Variants in ST6GALNAC5 observed in about 807,000 individuals in gnomAD.
The protein encoded by ST6GALNAC5 is alpha-N-acetylgalactosaminide alpha-2,6-sialyltransferase 5.
In ST6GALNAC5, 27 loss-of-function variants were observed where a neutral mutation model predicts 33.6. That is an observed-to-expected ratio of 0.80 (90% confidence interval 0.59 to 1.11). The LOEUF is 1.11. Among genes scored for constraint, ST6GALNAC5 ranks in the 50% least tolerant of loss-of-function variants. The pLI is 0.00. For synonymous variants in ST6GALNAC5, 194 were observed against 171.2 expected, an observed-to-expected ratio of 1.13 and a Z score of -1.04; for missense variants, 428 against 454.0, an observed-to-expected ratio of 0.94 and a Z score of 0.52.
At chr1:77,044,762 G>T in intron 3 of ST6GALNAC5, 149 bp downstream of exon 3, 3 of 901,874 alleles carry the variant, frequency 3.3e-6, no homozygotes, top group Non-Finnish European at 3.2e-6. Flanking sequence ...GGTCCTCTGC[G>T]TGACTGGGCT....
At chr1:77,029,439 C>T (rs966445302) in intron 2 of ST6GALNAC5, among the ~76,000 whole-genome samples, 7 of 152,200 alleles carry the variant, frequency 4.6e-5, no homozygotes, top group African/African-American at 1.2e-4. Flanking sequence ...TGTGTGGCTT[C>T]CAATGTTACT....
chr1:76,872,125 CATTAAATCA>C (rs1653524493), intron 2 of ST6GALNAC5, among the ~76,000 whole-genome samples: 1 of 149,074 alleles, frequency 6.7e-6, no homozygotes, highest in Non-Finnish European at 1.5e-5. Flanking sequence ...ACACCACACA[CATTAAATCA>C]AGAAATACTC....
rs1246310506 is a variant in ST6GALNAC5 at position 77,064,691 on chromosome 1, A to C, written c.*1485A>C. On this transcript the variant is annotated 3_prime_UTR_variant, in exon 5 of 5. Transcript: ENST00000477717. ...TTTAAACAAGTAATATTGTTCAAAA[A>C]TAGTCTCTTATAAATATACTAGTGT... is the stretch of plus-strand genomic sequence containing the variant. 3.3e-5 allele frequency: 5 copies of C among 152,206 alleles called. No homozygotes were observed. Among genetic ancestry groups the C allele is most frequent in the Non-Finnish European group, 1.5e-5 (1 of 68,038 alleles). The allele number at this position is 152,206 out of a possible 1,614,324, so 9.4% of individuals were successfully genotyped here. A position where few individuals can be genotyped will look rare whatever the true frequency, so the allele number is the denominator to read the frequency against.
At chr1:76,949,992 C>T (rs1161528261) in intron 2 of ST6GALNAC5, among the ~76,000 whole-genome samples, 1 of 152,134 alleles carries the variant, frequency 6.6e-6, no homozygotes, top group Non-Finnish European at 1.5e-5. Context: ...CCCTGCCTGT[C>T]ACTGGAAGCC....
chr1:76,986,535 G>A (rs1649504029), intron 2 of ST6GALNAC5, among the ~76,000 whole-genome samples: 2 of 152,308 alleles, frequency 1.3e-5, no homozygotes, highest in South Asian at 2.1e-4. Flanking sequence ...AGGATGTGGA[G>A]AAATAGGAAC....
At chr1:76,951,993 A>C (rs76059423) in intron 2 of ST6GALNAC5, among the ~76,000 whole-genome samples, 2,021 of 152,248 alleles carry the variant, frequency 0.013, 43 homozygotes, top group African/African-American at 0.046. Flanking sequence ...TCCTTACTGA[A>C]TCAAATAACA....
chr1:77,050,283 A>G lies in ST6GALNAC5; in HGVS notation c.697A>G (p.Thr233Ala). Reference protein sequence around the residue: ...DRKISNTWLSTGWFTMTIALE... With the variant: ...DRKISNTWLSAGWFTMTIALE... ...GAAGATATCCAACACTTGGCTCAGC[A>G]CTGGCTGGTTTACAATGACAATTGC... Residue 233 changes from threonine (T) to alanine (A), a missense_variant, in exon 4 of 5, where the codon ACT becomes GCT. Coordinates refer to ENST00000477717, the MANE Select transcript of ST6GALNAC5 (RefSeq NM_030965.3). 1 of 1,614,102 alleles carries G rather than the reference A, an allele frequency of 6.2e-7. No homozygotes were observed. Among genetic ancestry groups the G allele is most frequent in the Non-Finnish European group, 8.5e-7 (1 of 1,179,938 alleles).
In ST6GALNAC5 at chr1:77,044,285, G is replaced by A. The variant is rs763024064; in HGVS notation, c.343G>A (p.Asp115Asn). The change falls in exon 3 of 5, where the codon GAC becomes AAC. Residue 115 changes from aspartate (D) to asparagine (N), a missense_variant. Transcript: ENST00000477717. Reference sequence around the variant, plus strand: ...GCACAGTCGGCAAGGCTCCCAGATTGACCAGACAGAGTGTGTCATCCGCAT... The same window carrying A: ...GCACAGTCGGCAAGGCTCCCAGATTAACCAGACAGAGTGTGTCATCCGCAT... ...LLHSRQGSQI[D>N]QTECVIRMND... 1 of 1,613,944 alleles carries A rather than the reference G, an allele frequency of 6.2e-7. No homozygotes were observed. Among genetic ancestry groups the A allele is most frequent in the South Asian group, 1.1e-5 (1 of 91,060 alleles).
At chr1:76,938,645 C>T (rs1647252552) in intron 2 of ST6GALNAC5, among the ~76,000 whole-genome samples, 1 of 152,040 alleles carries the variant, frequency 6.6e-6, no homozygotes, top group African/African-American at 2.4e-5. Flanking sequence ...AATAAATGCT[C>T]CGTGTGGTTC....
intron 2 of ST6GALNAC5, among the ~76,000 whole-genome samples, chr1:77,028,284 C>T (rs1013551231): frequency 7.9e-5 from 12 of 152,174 alleles, no homozygotes; most frequent in Non-Finnish European, 1.5e-4. Flanking sequence ...ACCTGAAAAA[C>T]CGAAACAAAA....
At position 76,887,941 on chromosome 1, in the gene ST6GALNAC5, T is replaced by C. The variant is rs116635877; in HGVS notation, c.261+19199T>C. ...TCTCATTCTATTTCCCCTCCCACCA[T>C]ACACACTGTGAAGCAGTGACTAGCT... is the stretch of plus-strand genomic sequence containing the variant. On this transcript the variant is annotated intron_variant, in intron 2 of 4. Transcript: ENST00000477717. Among the ~76,000 whole-genome samples, 932 of 152,298 alleles carry C rather than the reference T, an allele frequency of 6.1e-3. 14 individuals are homozygous for C. Among genetic ancestry groups the C allele is most frequent in the African/African-American group, 0.02 (825 of 41,570 alleles).
intron 2 of ST6GALNAC5, among the ~76,000 whole-genome samples, chr1:76,870,409 G>C (rs1653473522): frequency 6.6e-6 from 1 of 152,148 alleles, no homozygotes; most frequent in South Asian, 2.1e-4. Context: ...AGGTAAATTT[G>C]CTGAAAGTTT....
At chr1:76,931,604 TAAAAC>T (rs1570683375) in intron 2 of ST6GALNAC5, among the ~76,000 whole-genome samples, 1 of 152,136 alleles carries the variant, frequency 6.6e-6, no homozygotes, top group Non-Finnish European at 1.5e-5. Flanking sequence ...TCACAGCATT[TAAAAC>T]AGTATATACA....
intron 2 of ST6GALNAC5, among the ~76,000 whole-genome samples, chr1:76,913,749 A>C (rs937022287): frequency 6.6e-6 from 1 of 152,130 alleles, no homozygotes; most frequent in Non-Finnish European, 1.5e-5. Flanking sequence ...CTGAATGGGC[A>C]AAAACTGGAA....
chr1:77,036,908 G>A lies in ST6GALNAC5; in HGVS notation c.262-7296G>A, dbSNP rs577583963. ...TAAACAAAAACCTGGATGATGAGAG[G>A]TAGTTACAGTAGGTGGGAAAGGGAA... On this transcript the variant is annotated intron_variant, in intron 2 of 4. Coordinates refer to ENST00000477717, the MANE Select transcript of ST6GALNAC5 (RefSeq NM_030965.3). Among the ~76,000 whole-genome samples the A allele has an allele frequency of 2.0e-5, 3 of 152,324 alleles. No individual in the cohort carries two copies. In the South Asian group the frequency reaches 6.2e-4, roughly 32 times the overall value.
At chr1:76,923,935 A>G (rs748080160) in intron 2 of ST6GALNAC5, among the ~76,000 whole-genome samples, 3 of 152,146 alleles carry the variant, frequency 2.0e-5, no homozygotes, top group Non-Finnish European at 4.4e-5. Flanking sequence ...AATATACAGC[A>G]TGCACTTTCC....
At chr1:76,885,162 G>A (rs1653865141) in intron 2 of ST6GALNAC5, among the ~76,000 whole-genome samples, 1 of 152,274 alleles carries the variant, frequency 6.6e-6, no homozygotes, top group South Asian at 2.1e-4. Context: ...AACTATGCCT[G>A]TAGACCATAT....
At chr1:77,053,026 C>T (rs1266362738) in intron 4 of ST6GALNAC5, among the ~76,000 whole-genome samples, 1 of 150,982 alleles carries the variant, frequency 6.6e-6, no homozygotes, top group Non-Finnish European at 1.5e-5. Context: ...ATAAAGAACA[C>T]AGCAAAGCCA....
chr1:76,965,219 C>G lies in ST6GALNAC5; in HGVS notation c.262-78985C>G, dbSNP rs544701935. ...CAATGGTGGAATTAGTTTACCACCCCCCCCACCAACAGTGTAAAAGCATTC... is the reference window on the plus strand; with the variant it reads ...CAATGGTGGAATTAGTTTACCACCCGCCCCACCAACAGTGTAAAAGCATTC... On this transcript the variant is annotated intron_variant, in intron 2 of 4. Transcript: ENST00000477717. Among the ~76,000 whole-genome samples the G allele has an allele frequency of 6.3e-4, 95 of 150,584 alleles. No individual in the cohort carries two copies. In the East Asian group the frequency reaches 0.014, roughly 22 times the overall value.
Sources: allele counts gnomAD v4.1 joint callset (sites outside exome capture counted in the v4.1 genomes callset), GRCh38; gene constraint gnomAD v4.1.1; transcripts MANE v1.5; gene names NCBI Gene and HGNC (gene_info 2026-07-23, HGNC 2026-07-21).